CEP290: variants seen among roughly 807,000 people sequenced by gnomAD.
CEP290 encodes the protein centrosomal protein 290, also known as centrosomal protein of 290 kDa.
Under a neutral mutation model 344.9 loss-of-function variants are expected in CEP290, and 317 were observed. The observed-to-expected ratio is 0.92, with a 90% CI of 0.84 to 1.01. CEP290 has a LOEUF of 1.01. Ranked by LOEUF, CEP290 falls within the 50% of genes least tolerant of loss-of-function variation. The probability of loss-of-function intolerance (pLI) is 0.00; values close to 1 mark genes in which losing one functional copy is unlikely to be tolerated. For synonymous variants in CEP290, 932 were observed against 895.8 expected (o/e 1.04, Z -0.72); for missense variants, 2,754 against 2,761.4 (o/e 1.00, Z 0.06).
chr12:88,086,287 A>T, intron 33 of CEP290, 104 bp downstream of exon 33: 2 of 1,427,932 alleles, frequency 1.4e-6, no homozygotes, highest in South Asian at 2.7e-5. Context: ...TTTTAAATAT[A>T]CAATATAACA....
In CEP290 at chr12:88,053,662, G is replaced by A. The variant is rs2136623871; in HGVS notation, c.7119C>T (p.Ser2373=). The change falls in exon 52 of 54, where the codon AGC becomes AGT. Residue 2373 remains serine, a synonymous_variant. Transcript: ENST00000552810. Reference sequence around the variant, plus strand: ...TTTAAAATACATTACCAGGTATGGTGCTTTCAGCTCCACTTTGGTCCTTGT... The same window carrying A: ...TTTAAAATACATTACCAGGTATGGTACTTTCAGCTCCACTTTGGTCCTTGT... The part of the protein sequence containing the change: ...EANKDQSGAE[S]TIPDADQLKE... 2.0e-6 allele frequency: 3 copies of A among 1,517,680 alleles called. No homozygotes were observed. Among genetic ancestry groups the A allele is most frequent in the African/African-American group, 2.7e-5 (2 of 72,760 alleles). 94.0% of individuals were successfully genotyped at this position (1,517,680 alleles called of 1,614,324 possible).
chr12:88,067,656 T>C (rs1164152431), intron 44 of CEP290, among the ~76,000 whole-genome samples: 1 of 152,228 alleles, frequency 6.6e-6, no homozygotes, highest in Non-Finnish European at 1.5e-5. Context: ...CTTTATCATT[T>C]TGACAACATT....
At chr12:88,067,355 T>C (rs1318324298) in intron 44 of CEP290, among the ~76,000 whole-genome samples, 2 of 152,180 alleles carry the variant, frequency 1.3e-5, no homozygotes, top group East Asian at 3.8e-4. Flanking sequence ...TTGCACTATA[T>C]ATGTACGTAA....
Position 88,111,715 on chromosome 12 carries a change from C to G in CEP290, c.2196G>C (p.Gln732His), listed in dbSNP as rs1394028787. Residue 732 changes from glutamine to histidine, a missense_variant, in exon 21 of 54, where the codon CAG (glutamine) becomes CAC (histidine). Physicochemically the swap from Gln to His is conservative, Grantham distance 24. Transcript: ENST00000552810. The stretch of plus-strand genomic sequence containing the variant: ...TCACCTTTAAATTAGCTTTTGCCAA[C>G]TGCTGTGAATAATTTATAGCCTCTT... The part of the protein sequence containing the change: ...SRKEAINYSQ[Q>H]LAKANLKIDH... The G allele has an allele frequency of 6.3e-6, 10 of 1,589,138 alleles. No homozygotes were observed. The highest frequency in any genetic ancestry group is 8.5e-6 in the Non-Finnish European group (10 of 1,171,044).
intron 26 of CEP290, among the ~76,000 whole-genome samples, chr12:88,097,443 C>A (rs1479566674): frequency 6.6e-6 from 1 of 152,166 alleles, no homozygotes; most frequent in East Asian, 1.9e-4. Context: ...TTTGCTTCCC[C>A]TTCTGCCATA....
rs2036460485 is a variant in CEP290 at position 88,084,856 on chromosome 12, C to T, written c.4438-4G>A. The T allele has an allele frequency of 1.3e-6, 2 of 1,511,910 alleles. No homozygotes were observed. Among genetic ancestry groups the T allele is most frequent in the Admixed American group, 5.0e-5 (2 of 40,196 alleles). 93.7% of individuals were successfully genotyped at this position (1,511,910 alleles called of 1,614,324 possible). On this transcript the variant is annotated splice_polypyrimidine_tract_variant and splice_region_variant and intron_variant, in intron 34 of 53. Transcript: ENST00000552810. The stretch of plus-strand genomic sequence containing the variant: ...CAGATTCTTTCTCTTTTAGTTTCTG[C>T]AATGATTAAATTATAATAAATCATT...
chr12:88,108,089 G>A (rs1433103008), intron 23 of CEP290, among the ~76,000 whole-genome samples: 7 of 151,738 alleles, frequency 4.6e-5, no homozygotes, highest in African/African-American at 1.7e-4. Flanking sequence ...AAATTCTTGT[G>A]AATTTAAAAA....
At chr12:88,080,035 C>A in intron 38 of CEP290, 147 bp downstream of exon 38, 2 of 588,936 alleles carry the variant, frequency 3.4e-6, no homozygotes, top group South Asian at 5.3e-5. Flanking sequence ...TCTAAAATAC[C>A]TTGTTTAACA....
intron 31 of CEP290, among the ~76,000 whole-genome samples, chr12:88,088,179 C>T (rs1299548360): frequency 6.6e-6 from 1 of 152,172 alleles, no homozygotes; most frequent in African/African-American, 2.4e-5. Flanking sequence ...ATGGACATCA[C>T]TAATATTCAC....
intron 15 of CEP290, among the ~76,000 whole-genome samples, chr12:88,119,802 G>T (rs2039293020): frequency 6.6e-6 from 1 of 151,390 alleles, no homozygotes; most frequent in African/African-American, 2.4e-5. Flanking sequence ...ACTTTTGTTG[G>T]GAAAAAAAAA....
intron 52 of CEP290, chr12:88,051,881 A>G (rs1048254919): frequency 2.6e-5 from 4 of 152,182 alleles, no homozygotes; most frequent in African/African-American, 9.7e-5. Flanking sequence ...AGAGTATTTA[A>G]TATGTACTTT....
intron 44 of CEP290, among the ~76,000 whole-genome samples, chr12:88,068,319 T>C (rs1378591197): frequency 1.3e-5 from 2 of 152,042 alleles, no homozygotes; most frequent in African/African-American, 4.8e-5. Flanking sequence ...AGCTTAAGAA[T>C]CTTAAGTTTA....
intron 49 of CEP290, among the ~76,000 whole-genome samples, chr12:88,056,219 T>C (rs1408505260): frequency 6.6e-6 from 1 of 151,384 alleles, no homozygotes; most frequent in African/African-American, 2.4e-5. Flanking sequence ...CTTGTAAAAA[T>C]CTGAATAGAT....
At chr12:88,070,376 T>C (rs554383518) in intron 43 of CEP290, among the ~76,000 whole-genome samples, 1 of 152,326 alleles carries the variant, frequency 6.6e-6, no homozygotes, top group Admixed American at 6.5e-5. Context: ...GATGGGTGTC[T>C]GCACTGACAG....
At chr12:88,100,107 C>T (rs1419940330) in intron 26 of CEP290, among the ~76,000 whole-genome samples, 1 of 152,012 alleles carries the variant, frequency 6.6e-6, no homozygotes, top group African/African-American at 2.4e-5. Flanking sequence ...TGGCAAAACC[C>T]TGTCTCTACT....
chr12:88,139,905 T>C (rs2040549471), intron 3 of CEP290, among the ~76,000 whole-genome samples: 1 of 152,018 alleles, frequency 6.6e-6, no homozygotes, highest in African/African-American at 2.4e-5. Flanking sequence ...GCCATCATGC[T>C]TGGTGTGCCA....
rs1192112844 is a variant in CEP290, at chr12:88,118,744, C to T, written c.1523-1G>A. ...TCAATCATTGTCTTTGGTTCAAGGC[C>T]TACAATAGAAAGCAATATAATTAAA... On this transcript the variant is annotated splice_acceptor_variant, in intron 15 of 53. Coordinates refer to ENST00000552810, the MANE Select transcript of CEP290 (RefSeq NM_025114.4). LOFTEE classifies it high-confidence loss of function. The T allele has an allele frequency of 6.3e-7, 1 of 1,598,204 alleles. No homozygotes were observed. The highest frequency in any genetic ancestry group is 1.1e-5 in the South Asian group (1 of 88,698).
Position 88,086,498 on chromosome 12 carries a change from A to C in CEP290, c.4195T>G (p.Phe1399Val), listed in dbSNP as rs919975758. 1 of 1,582,674 alleles carries C rather than the reference A, an allele frequency of 6.3e-7. No homozygotes were observed. The highest frequency in any genetic ancestry group is 1.3e-5 in the African/African-American group (1 of 74,558). The stretch of plus-strand genomic sequence containing the variant: ...CAGGCCATTTGTCTTTCTTCATGAA[A>C]CTAAAAAAAGGACAATTTGTGTCAG... ...LEEEIVQQNK[F>V]HEERQMAWDQ... Residue 1399 changes from phenylalanine to valine, a missense_variant and splice_region_variant, in exon 33 of 54, where the codon TTT (phenylalanine) becomes GTT (valine). Coordinates refer to ENST00000552810, the MANE Select transcript of CEP290 (RefSeq NM_025114.4).
At position 88,093,803 on chromosome 12, in the gene CEP290, T is replaced by C; in HGVS notation, c.3276A>G (p.Glu1092=). Residue 1092 remains glutamate (E), a synonymous_variant, in exon 28 of 54, where the codon GAA becomes GAG. Transcript: ENST00000552810. ...HLRTSLKQME[E]RNFELETKFA... ...ATTTGGTTTCCAATTCAAAATTACG[T>C]TCCTCCATTTGCTTTAACGAAGTCC... is the stretch of plus-strand genomic sequence containing the variant. 6.2e-7 allele frequency: 1 copy of C among 1,611,492 alleles called. No homozygotes were observed. Among genetic ancestry groups the C allele is most frequent in the Non-Finnish European group, 8.5e-7 (1 of 1,178,574 alleles).
Sources: allele counts gnomAD v4.1 joint callset (sites outside exome capture counted in the v4.1 genomes callset), GRCh38; gene constraint gnomAD v4.1.1; transcripts MANE v1.5; gene names NCBI Gene and HGNC (gene_info 2026-07-23, HGNC 2026-07-21).